CELSR3: variants seen among roughly 807,000 people sequenced by gnomAD.
The protein encoded by CELSR3 is cadherin EGF LAG seven-pass G-type receptor 3.
In CELSR3, 73 loss-of-function variants were observed where a neutral mutation model predicts 270.0. The ratio of observed to expected loss-of-function variants is 0.27; its 90% CI spans 0.22 to 0.33. CELSR3 has a LOEUF of 0.33. Ranked by LOEUF, CELSR3 falls within the 10% of genes least tolerant of loss-of-function variation. CELSR3 has a pLI of 1.00. For synonymous variants in CELSR3, 1,780 were observed against 1,905.4 expected, an observed-to-expected ratio of 0.93 and a Z score of 1.71; for missense variants, 3,614 against 4,533.8, an observed-to-expected ratio of 0.80 and a Z score of 5.83.
Position 48,653,124 on chromosome 3 carries a change from G to C in CELSR3, c.5512C>G (p.Leu1838Val). ...CCATCACTGACAGTCACCTGGTCCA[G>C]AAGGAGATGGGAAGCACGGCCCGAG... ...RGSGRASHLL[L>V]DQVTVSDGRW... Residue 1838 changes from leucine (L) to valine (V), a missense_variant, in exon 10 of 35, where the codon CTG (leucine) becomes GTG (valine). Transcript: ENST00000164024. The surrounding 1 kb of genome is among the most constrained non-coding windows in gnomAD (Gnocchi z 6.5). The C allele has an allele frequency of 6.2e-7, 1 of 1,613,414 alleles. No individual in the cohort carries two copies. Among genetic ancestry groups the C allele is most frequent in the Non-Finnish European group, 8.5e-7 (1 of 1,180,014 alleles).
Position 48,654,534 on chromosome 3 carries a change from T to G in CELSR3, c.4989-82A>C. On this transcript the variant is annotated intron_variant, in intron 6 of 34. Transcript: ENST00000164024. This position sits in a 1 kb window ranked among gnomAD's most constrained non-coding sequence, Gnocchi z 5.4. ...TGGGGGGCCACAGGAAGCAGGGGGG[T>G]AGGACCCAGAGGGTAGGGTGATTGA... is the stretch of plus-strand genomic sequence containing the variant. 1 of 1,226,118 alleles carries G rather than the reference T, an allele frequency of 8.2e-7. No individual in the cohort carries two copies. The highest frequency in any genetic ancestry group is 2.4e-5 in the East Asian group (1 of 41,258). The allele number at this position is 1,226,118 out of a possible 1,614,324, so 76.0% of individuals were successfully genotyped here. A position where few individuals can be genotyped will look rare whatever the true frequency, so the allele number is the denominator to read the frequency against.
rs776898041 is a variant in CELSR3, at chr3:48,644,678, G to A, written c.8085+38C>T. 2.3e-5 allele frequency: 34 copies of A among 1,508,428 alleles called. No individual in the cohort carries two copies. The highest frequency in any genetic ancestry group is 2.7e-5 in the Non-Finnish European group (29 of 1,085,938). The allele number at this position is 1,508,428 out of a possible 1,614,324, so 93.4% of individuals were successfully genotyped here. ...CTGCACCTCCTCCCCCAATGAGGGA[G>A]GGAAGTACAGAGGGGGCACCAAGTC... On this transcript the variant is annotated intron_variant, in intron 26 of 34. Coordinates refer to ENST00000164024, the MANE Select transcript of CELSR3 (RefSeq NM_001407.3). The surrounding 1 kb of genome is among the most constrained non-coding windows in gnomAD (Gnocchi z 4.8).
At position 48,646,364 on chromosome 3, in the gene CELSR3, G is replaced by T; in HGVS notation, c.7296-107C>A. ...TCGCCAGGGCTGACCCAGGGTCTGG[G>T]ATGTCCCCAGAGTGGAAGCTGTTTC... On this transcript the variant is annotated intron_variant, in intron 21 of 34. Transcript: ENST00000164024. The surrounding 1 kb of genome is among the most constrained non-coding windows in gnomAD (Gnocchi z 4.8). The T allele has an allele frequency of 8.3e-7, 1 of 1,211,628 alleles. No homozygotes were observed. 75.1% of individuals were successfully genotyped at this position (1,211,628 alleles called of 1,614,324 possible).
chr3:48,661,705 C>A lies in CELSR3; in HGVS notation c.930G>T (p.Ala310=). 7 of 1,573,900 alleles carry A rather than the reference C, an allele frequency of 4.4e-6. No homozygotes were observed. The highest frequency in any genetic ancestry group is 6.0e-6 in the Non-Finnish European group (7 of 1,159,044). ...CGGCGCGACGAAAGCGTGCCCGGTT[C>A]GCCGAGGTTACTTTCCTGGCTTCAG... ...ARPEARKVTS[A]NRARFRRAAN... The change falls in exon 1 of 35, where the codon GCG becomes GCT. Residue 310 remains alanine, a synonymous_variant. Coordinates refer to ENST00000164024, the MANE Select transcript of CELSR3 (RefSeq NM_001407.3).
chr3:48,662,818 T>A lies in CELSR3; in HGVS notation c.-184A>T. The A allele has an allele frequency of 3.4e-6, 1 of 294,104 alleles. No homozygotes were observed. Among genetic ancestry groups the A allele is most frequent in the Non-Finnish European group, 6.2e-6 (1 of 161,010 alleles). 18.2% of individuals were successfully genotyped at this position (294,104 alleles called of 1,614,324 possible). A position where few individuals can be genotyped will look rare whatever the true frequency, so the allele number is the denominator to read the frequency against. The stretch of plus-strand genomic sequence containing the variant: ...CTCCGCGGCCGGAGCCCCTCCGGCG[T>A]GCGGCCCTGGCTTTTTCCGCCCCCA... On this transcript the variant is annotated 5_prime_UTR_variant, in exon 1 of 35. Coordinates refer to ENST00000164024, the MANE Select transcript of CELSR3 (RefSeq NM_001407.3). The surrounding 1 kb of genome is among the most constrained non-coding windows in gnomAD (Gnocchi z 7.1).
Position 48,652,302 on chromosome 3 carries a change from C to T in CELSR3, c.5751+135G>A, listed in dbSNP as rs1017180509. ...CTCCAATGCCACAGAAAGGCTTGAC[C>T]TAGCTCTCAACTCTGGGTCATTCAC... is the stretch of plus-strand genomic sequence containing the variant. On this transcript the variant is annotated intron_variant, in intron 11 of 34. Coordinates refer to ENST00000164024, the MANE Select transcript of CELSR3 (RefSeq NM_001407.3). The surrounding 1 kb of genome is among the most constrained non-coding windows in gnomAD (Gnocchi z 4.3). 1.5e-5 allele frequency: 12 copies of T among 804,280 alleles called. No homozygotes were observed. In the Middle Eastern group the frequency reaches 2.7e-3, roughly 179 times the overall value. 49.8% of individuals were successfully genotyped at this position (804,280 alleles called of 1,614,324 possible).
chr3:48,656,456 C>A (rs920936398), intron 2 of CELSR3, 91 bp from the exon 3 acceptor site: 29 of 1,252,870 alleles, frequency 2.3e-5, no homozygotes, highest in Middle Eastern at 2.9e-4. Flanking sequence ...GGCCGGGTGC[C>A]AAGACCCCCG....
chr3:48,643,090 G>T lies in CELSR3; in HGVS notation c.8290-7C>A. The T allele has an allele frequency of 6.3e-7, 1 of 1,584,260 alleles. No homozygotes were observed. Among genetic ancestry groups the T allele is most frequent in the Non-Finnish European group, 8.7e-7 (1 of 1,154,242 alleles). Reference sequence around the variant, plus strand: ...GCAGCAGCACCGCCAGGCCCTGTGGGTCAGCGAGGGTCAAAGCAGAGTCGG... The same window carrying T: ...GCAGCAGCACCGCCAGGCCCTGTGGTTCAGCGAGGGTCAAAGCAGAGTCGG... On this transcript the variant is annotated splice_polypyrimidine_tract_variant and splice_region_variant and intron_variant, in intron 28 of 34. Coordinates refer to ENST00000164024, the MANE Select transcript of CELSR3 (RefSeq NM_001407.3).
Position 48,659,652 on chromosome 3 carries a change from G to C in CELSR3, c.2983C>G (p.Arg995Gly). 6.2e-7 allele frequency: 1 copy of C among 1,614,168 alleles called. No homozygotes were observed. The highest frequency in any genetic ancestry group is 8.5e-7 in the Non-Finnish European group (1 of 1,180,026). The change falls in exon 1 of 35, where the codon CGG becomes GGG. Residue 995 changes from arginine (R) to glycine (G), a missense_variant. Coordinates refer to ENST00000164024, the MANE Select transcript of CELSR3 (RefSeq NM_001407.3). The surrounding 1 kb of genome is among the most constrained non-coding windows in gnomAD (Gnocchi z 8.1). ...CCATTCTGGAAAGTGTACTGGACCCGGCCATTGGCATGAGCATCCCGGTCA... is the reference window on the plus strand; with the variant it reads ...CCATTCTGGAAAGTGTACTGGACCCCGCCATTGGCATGAGCATCCCGGTCA... ...ATDRDAHANG[R>G]VQYTFQNGED...
chr3:48,650,433 A>AGGGGGGGGGGGGGGCGGGGGGGGGGG lies in CELSR3; in HGVS notation c.6472+46_6472+47insCCCCCCCCCCCGCCCCCCCCCCCCCC. On this transcript the variant is annotated intron_variant, in intron 16 of 34. Transcript: ENST00000164024. This position sits in a 1 kb window ranked among gnomAD's most constrained non-coding sequence, Gnocchi z 5.1. ...GACATGGCTCTAGCAGTCAGAGTAC[A>AGGGGGGGGGGGGGGCGGGGGGGGGGG]GGCCCACCCCCACCCTCAGTGATGT... The AGGGGGGGGGGGGGGCGGGGGGGGGGG allele has an allele frequency of 1.1e-6, 1 of 927,818 alleles. No individual in the cohort carries two copies. The highest frequency in any genetic ancestry group is 3.2e-5 in the East Asian group (1 of 31,406). The allele number at this position is 927,818 out of a possible 1,614,324, so 57.5% of individuals were successfully genotyped here. A position where few individuals can be genotyped will look rare whatever the true frequency, so the allele number is the denominator to read the frequency against.
At position 48,652,818 on chromosome 3, in the gene CELSR3, G is replaced by C. The variant is rs2047149050; in HGVS notation, c.5634+184C>G. On this transcript the variant is annotated intron_variant, in intron 10 of 34. Transcript: ENST00000164024. The surrounding 1 kb of genome is among the most constrained non-coding windows in gnomAD (Gnocchi z 4.3). ...CCCAAATCTGGCACAAAGAGGGCTT[G>C]AGAGTGGACCAACTTGGCTGGTGGG... Among the ~76,000 whole-genome samples the C allele has an allele frequency of 1.3e-5, 2 of 152,230 alleles. No individual in the cohort carries two copies. Among genetic ancestry groups the C allele is most frequent in the Non-Finnish European group, 2.9e-5 (2 of 68,038 alleles).
At position 48,642,809 on chromosome 3, in the gene CELSR3, C is replaced by T. The variant is rs146259597; in HGVS notation, c.8482G>A (p.Val2828Ile). ...LIRITLGAST[V>I]SSVSSARSGR... ...GAGCGGGCACTGCTCACAGAGGAGA[C>T]GGTGGAGGCGCCCAGAGTGATGCGG... The change falls in exon 30 of 35, where the codon GTC (valine) becomes ATC (isoleucine). Residue 2828 changes from valine (V) to isoleucine (I), a missense_variant. Transcript: ENST00000164024. The surrounding 1 kb of genome is among the most constrained non-coding windows in gnomAD (Gnocchi z 6.1). The T allele has an allele frequency of 1.4e-4, 227 of 1,613,040 alleles. 4 individuals are homozygous for T. In the South Asian group the frequency reaches 2.1e-3, roughly 15 times the overall value.
Position 48,650,485 on chromosome 3 carries a change from GC to G in CELSR3, c.6466del (p.Ala2156ProfsTer38). ...VLATVPCPRGALGAAVRLCDE... is the reference protein window; with the variant it reads ...VLATVPCPRGXLGAAVRLCDE... ...CTTTCCCCCCACATACTCACCCAGG[GC>G]CCCCCGGGGACAGGGCACTGTGGCC... On this transcript the variant is annotated frameshift_variant, in exon 16 of 35. Transcript: ENST00000164024. LOFTEE classifies it high-confidence loss of function. This position sits in a 1 kb window ranked among gnomAD's most constrained non-coding sequence, Gnocchi z 5.1. 1.3e-6 allele frequency: 2 copies of G among 1,596,126 alleles called. No homozygotes were observed. Among genetic ancestry groups the G allele is most frequent in the Non-Finnish European group, 8.5e-7 (1 of 1,170,550 alleles).
Position 48,642,089 on chromosome 3 carries a change from T to G in CELSR3, c.8666-80A>C. On this transcript the variant is annotated intron_variant, in intron 31 of 34. Transcript: ENST00000164024. This position sits in a 1 kb window ranked among gnomAD's most constrained non-coding sequence, Gnocchi z 6.1. ...GAATTTGGAGTTGAGGGTCTAGAGG[T>G]GGGTACGGCAAGGGGGTTAGGGTTG... 7.3e-7 allele frequency: 1 copy of G among 1,373,348 alleles called. No individual in the cohort carries two copies. The highest frequency in any genetic ancestry group is 9.8e-7 in the Non-Finnish European group (1 of 1,021,412). The allele number at this position is 1,373,348 out of a possible 1,614,324, so 85.1% of individuals were successfully genotyped here. A position where few individuals can be genotyped will look rare whatever the true frequency, so the allele number is the denominator to read the frequency against.
In CELSR3 at chr3:48,641,000, C is replaced by T. The variant is rs2047021320; in HGVS notation, c.9025+324G>A. On this transcript the variant is annotated intron_variant, in intron 33 of 34. Coordinates refer to ENST00000164024, the MANE Select transcript of CELSR3 (RefSeq NM_001407.3). The surrounding 1 kb of genome is among the most constrained non-coding windows in gnomAD (Gnocchi z 7.5). ...AAGCAGAGTAGGGGGCAGAAATCTT[C>T]CAGATCAGAGCACGGGCTCTGGGAT... The T allele has an allele frequency of 5.1e-6, 2 of 388,788 alleles. No homozygotes were observed. Among genetic ancestry groups the T allele is most frequent in the East Asian group, 4.7e-5 (1 of 21,102 alleles). 24.1% of individuals were successfully genotyped at this position (388,788 alleles called of 1,614,324 possible). A position where few individuals can be genotyped will look rare whatever the true frequency, so the allele number is the denominator to read the frequency against.
In CELSR3 at chr3:48,642,648, C is replaced by T; in HGVS notation, c.8555+88G>A. 2 of 1,530,028 alleles carry T rather than the reference C, an allele frequency of 1.3e-6. No individual in the cohort carries two copies. Among genetic ancestry groups the T allele is most frequent in the South Asian group, 2.5e-5 (2 of 80,010 alleles). 94.8% of individuals were successfully genotyped at this position (1,530,028 alleles called of 1,614,324 possible). A position where few individuals can be genotyped will look rare whatever the true frequency, so the allele number is the denominator to read the frequency against. ...CAGATGGCCAAGATGGGTGGAGCCA[C>T]CCGCCCTAGGACCTGGTCAGCCAAG... is the stretch of plus-strand genomic sequence containing the variant. On this transcript the variant is annotated intron_variant, in intron 30 of 34. Coordinates refer to ENST00000164024, the MANE Select transcript of CELSR3 (RefSeq NM_001407.3). This position sits in a 1 kb window ranked among gnomAD's most constrained non-coding sequence, Gnocchi z 6.1.
Position 48,659,709 on chromosome 3 carries a change from G to A in CELSR3, c.2926C>T (p.Pro976Ser), listed in dbSNP as rs769333156. ...YTGLVSEDAP[P>S]FTSVLQISAT... Reference sequence around the variant, plus strand: ...GAGATCTGCAGGACACTGGTGAAAGGTGGGGCATCCTCAGAGACCAGCCCT... The same window carrying A: ...GAGATCTGCAGGACACTGGTGAAAGATGGGGCATCCTCAGAGACCAGCCCT... Residue 976 changes from proline (P) to serine (S), a missense_variant, in exon 1 of 35, where the codon CCT becomes TCT. Pro to Ser is a moderately conservative substitution (Grantham distance 74, BLOSUM62 -1). Coordinates refer to ENST00000164024, the MANE Select transcript of CELSR3 (RefSeq NM_001407.3). The surrounding 1 kb of genome is among the most constrained non-coding windows in gnomAD (Gnocchi z 8.1). The A allele has an allele frequency of 6.2e-7, 1 of 1,614,210 alleles. No homozygotes were observed. The highest frequency in any genetic ancestry group is 8.5e-7 in the Non-Finnish European group (1 of 1,180,040).
Position 48,661,173 on chromosome 3 carries a change from T to A in CELSR3, c.1462A>T (p.Ile488Phe). ...CTGATGAGGCCGGAGCGTGGATCAA[T>A]CTCGAAGGCGGCGGCAGCTGCAGCG... ...ARAAAAAAFE[I>F]DPRSGLISTS... Residue 488 changes from isoleucine (I) to phenylalanine (F), a missense_variant, in exon 1 of 35, where the codon ATT becomes TTT. Transcript: ENST00000164024. 6.3e-7 allele frequency: 1 copy of A among 1,598,374 alleles called. No individual in the cohort carries two copies. Among genetic ancestry groups the A allele is most frequent in the Non-Finnish European group, 8.5e-7 (1 of 1,171,954 alleles).
At chr3:48,643,147 T>TGG in intron 28 of CELSR3, 64 bp from the exon 29 acceptor site, 1 of 1,104,240 alleles carries the variant, frequency 9.1e-7, no homozygotes. Flanking sequence ...TATAAGTCAC[T>TGG]GTGGGTCAGC....
Sources: gnomAD v4.1 joint callset for allele counts (sites outside exome capture counted in the v4.1 genomes callset) on GRCh38, gnomAD v4.1.1 for gene constraint, Gnocchi (gnomAD v3.1) non-coding constraint, MANE v1.5 for transcripts, NCBI Gene and HGNC (gene_info 2026-07-23, HGNC 2026-07-21) for gene names.